The following PTGER3 variants were observed in gnomAD, a reference collection of about 807,000 sequenced individuals.
PTGER3 encodes prostaglandin E receptor 3, also known as prostaglandin E2 receptor EP3 subtype.
In PTGER3, 22 loss-of-function variants were observed where a neutral mutation model predicts 34.7. That is an observed-to-expected ratio of 0.63 (90% confidence interval 0.45 to 0.91). PTGER3 has a LOEUF of 0.91. Ranked by LOEUF, PTGER3 falls within the 40% of genes least tolerant of loss-of-function variation. The probability of loss-of-function intolerance (pLI) is 0.00; values close to 1 mark genes in which losing one functional copy is unlikely to be tolerated. For missense variants in PTGER3, 468 were observed against 519.4 expected, an observed-to-expected ratio of 0.90 and a Z score of 0.96; for synonymous variants, 241 against 230.1, an observed-to-expected ratio of 1.05 and a Z score of -0.43.
At chr1:71,027,158 T>G (rs1658998013) in intron 1 of PTGER3, among the ~76,000 whole-genome samples, 1 of 152,158 alleles carries the variant, frequency 6.6e-6, no homozygotes, top group African/African-American at 2.4e-5. Context: ...ATATTTGATG[T>G]AAGTTTCTTT....
intron 1 of PTGER3, among the ~76,000 whole-genome samples, chr1:71,038,341 C>CTTCCA (rs1299585535): frequency 3.9e-5 from 6 of 152,162 alleles, no homozygotes; most frequent in African/African-American, 1.4e-4. Flanking sequence ...AATAAACAGG[C>CTTCCA]TTCCAGTTCC....
At chr1:70,929,269 A>C (rs1262494176) in intron 4 of PTGER3, among the ~76,000 whole-genome samples, 2 of 152,164 alleles carry the variant, frequency 1.3e-5, no homozygotes, top group African/African-American at 4.8e-5. Flanking sequence ...CAAACTGTAA[A>C]AACTGTGGAG....
intron 4 of PTGER3, among the ~76,000 whole-genome samples, chr1:70,899,840 A>G (rs1646799525): frequency 6.6e-6 from 1 of 152,100 alleles, no homozygotes; most frequent in South Asian, 2.1e-4. Flanking sequence ...GAGAAAATAG[A>G]TAAAAGTTCA....
At chr1:70,979,610 T>G (rs1476488287) in intron 2 of PTGER3, among the ~76,000 whole-genome samples, 4 of 152,212 alleles carry the variant, frequency 2.6e-5, no homozygotes, top group East Asian at 1.9e-4. Flanking sequence ...CGGTTTCCCC[T>G]TCTTACTTTC....
At chr1:70,932,116 G>A (rs1363778977) in intron 4 of PTGER3, among the ~76,000 whole-genome samples, 1 of 152,068 alleles carries the variant, frequency 6.6e-6, no homozygotes, top group Non-Finnish European at 1.5e-5. Context: ...AATCTCTAGG[G>A]CAGGGGAAAA....
chr1:71,032,019 CCA>C (rs1659452853), intron 1 of PTGER3, among the ~76,000 whole-genome samples: 1 of 152,142 alleles, frequency 6.6e-6, no homozygotes, highest in Non-Finnish European at 1.5e-5. Context: ...AAAATTACTA[CCA>C]TTAAATAAAT....
intron 2 of PTGER3, among the ~76,000 whole-genome samples, chr1:70,997,864 T>A (rs1371905280): frequency 1.3e-5 from 2 of 152,214 alleles, no homozygotes; most frequent in Non-Finnish European, 2.9e-5. Flanking sequence ...AGACATAGAA[T>A]CATAAAATCC....
rs538617061 is a variant in PTGER3 at position 71,047,496 on chromosome 1, C to G, written c.82G>C (p.Glu28Gln). 1.9e-5 allele frequency: 30 copies of G among 1,604,844 alleles called. No homozygotes were observed. Among genetic ancestry groups the G allele is most frequent in the East Asian group, 2.2e-5 (1 of 44,474 alleles). Residue 28 changes from glutamate to glutamine, a missense_variant, in exon 1 of 4, where the codon GAG (glutamate) becomes CAG (glutamine). Glu to Gln is a conservative substitution (Grantham distance 29). Transcript: ENST00000306666. ...TTGCCCCGCGCCTCGGCGGAACGCT[C>G]GGGCGCCCACATGCCTGTGTAGGAG... The part of the protein sequence containing the change: ...NHSYTGMWAP[E>Q]RSAEARGNLT...
At chr1:70,939,834 G>A (rs1572704847) in intron 4 of PTGER3, among the ~76,000 whole-genome samples, 1 of 152,262 alleles carries the variant, frequency 6.6e-6, no homozygotes, top group South Asian at 2.1e-4. Flanking sequence ...TGATAGGAGG[G>A]GCTGCCATGA....
chr1:70,877,253 T>C (rs1246583590), intron 4 of PTGER3, among the ~76,000 whole-genome samples: 2 of 152,184 alleles, frequency 1.3e-5, no homozygotes, highest in Non-Finnish European at 2.9e-5. Flanking sequence ...GGCTCTCAGC[T>C]TGGACATTGT....
Position 70,979,427 on chromosome 1 carries a change from T to A in PTGER3, c.1078-5039A>T, listed in dbSNP as rs141760857. Among the ~76,000 whole-genome samples, 809 of 151,550 alleles carry A rather than the reference T, an allele frequency of 5.3e-3. 12 individuals are homozygous for A. Among genetic ancestry groups the A allele is most frequent in the African/African-American group, 0.019 (766 of 41,002 alleles). On this transcript the variant is annotated intron_variant, in intron 2 of 3. Coordinates refer to ENST00000306666, the MANE Select transcript of PTGER3 (RefSeq NM_198719.2). ...TAAAAAGATTGCTTTCATAAAAAAA[T>A]TAATTGTTATTCTGTACAGAGAATA...
intron 4 of PTGER3, among the ~76,000 whole-genome samples, chr1:70,904,431 G>A (rs998183097): frequency 1.3e-5 from 2 of 152,166 alleles, no homozygotes; most frequent in East Asian, 3.8e-4. Context: ...CAGAAAATGT[G>A]GAATAGTGTG....
intron 1 of PTGER3, among the ~76,000 whole-genome samples, chr1:71,035,947 G>A (rs1004668517): frequency 6.6e-6 from 1 of 152,132 alleles, no homozygotes; most frequent in Non-Finnish European, 1.5e-5. Context: ...GCATCAGTAG[G>A]AGATCTTCCT....
chr1:70,907,674 A>G (rs1025170202), intron 4 of PTGER3, among the ~76,000 whole-genome samples: 2 of 152,234 alleles, frequency 1.3e-5, no homozygotes, highest in Admixed American at 1.3e-4. Context: ...CGGGGGAGCA[A>G]CTAAATTACA....
Position 70,971,667 on chromosome 1 carries a change from G to T in PTGER3, c.*63C>A. The T allele has an allele frequency of 6.5e-7, 1 of 1,530,566 alleles. No individual in the cohort carries two copies. Among genetic ancestry groups the T allele is most frequent in the East Asian group, 2.4e-5 (1 of 42,096 alleles). 94.8% of individuals were successfully genotyped at this position (1,530,566 alleles called of 1,614,324 possible). On this transcript the variant is annotated 3_prime_UTR_variant, in exon 4 of 4. Coordinates refer to ENST00000306666, the MANE Select transcript of PTGER3 (RefSeq NM_198719.2). ...AATATATAATTATCCTTCTCAGGTG[G>T]GAAGAAATATGCAAATTCAGGGAAG...
intron 4 of PTGER3, among the ~76,000 whole-genome samples, chr1:70,921,603 G>A (rs115321970): frequency 0.019 from 2,851 of 151,876 alleles, 86 homozygotes; most frequent in African/African-American, 0.065. Context: ...TTTCAAGATG[G>A]CCCAGCAAAC....
intron 1 of PTGER3, among the ~76,000 whole-genome samples, chr1:71,029,270 C>A (rs1659198574): frequency 6.6e-6 from 1 of 152,092 alleles, no homozygotes; most frequent in Admixed American, 6.6e-5. Context: ...AAAAACAAGG[C>A]AAGATCTCTG....
chr1:71,047,339 C>T lies in PTGER3; in HGVS notation c.239G>A (p.Arg80Gln), dbSNP rs773029013. 6.2e-6 allele frequency: 10 copies of T among 1,607,638 alleles called. No homozygotes were observed. The highest frequency in any genetic ancestry group is 2.5e-6 in the Non-Finnish European group (3 of 1,177,860). The stretch of plus-strand genomic sequence containing the variant: ...GAAGGACTTCTTGCGCTTGCTCTCC[C>T]GGCGCCGGTAGCTGCGCGACACGAG... ...MLLVSRSYRR[R>Q]ESKRKKSFLL... Residue 80 changes from arginine to glutamine, a missense_variant, in exon 1 of 4, where the codon CGG (arginine) becomes CAG (glutamine). Transcript: ENST00000306666.
At chr1:70,879,725 G>T (rs145431485) in intron 4 of PTGER3, among the ~76,000 whole-genome samples, 2 of 152,110 alleles carry the variant, frequency 1.3e-5, no homozygotes, top group African/African-American at 4.8e-5. Context: ...CATACAGTTG[G>T]ATCTTGCTTT....
Sources: allele counts gnomAD v4.1 joint callset (sites outside exome capture counted in the v4.1 genomes callset), GRCh38; gene constraint gnomAD v4.1.1; transcripts MANE v1.5; gene names NCBI Gene and HGNC (gene_info 2026-07-23, HGNC 2026-07-21).